STK3: variants seen among roughly 807,000 people sequenced by gnomAD.
STK3 encodes serine/threonine-protein kinase 3.
Under a neutral mutation model 58.0 loss-of-function variants are expected in STK3, and 41 were observed. The observed-to-expected ratio is 0.71, with a 90% confidence interval of 0.55 to 0.92. STK3 has a LOEUF of 0.92. Among genes scored for constraint, STK3 ranks in the 40% least tolerant of loss-of-function variants. STK3 has a pLI of 0.00. For synonymous variants in STK3, 170 were observed against 191.0 expected, an observed-to-expected ratio of 0.89 and a Z score of 0.91; for missense variants, 479 against 602.7, an observed-to-expected ratio of 0.79 and a Z score of 2.15.
chr8:98,375,238 G>C (rs555785070), intron 2 of STK3, among the ~76,000 whole-genome samples: 1 of 137,814 alleles, frequency 7.3e-6, no homozygotes, highest in African/African-American at 2.7e-5. Context: ...CTGAGTGAGA[G>C]AGCAAGAAGC....
intron 6 of STK3, among the ~76,000 whole-genome samples, chr8:98,611,768 T>G (rs907736167): frequency 2.0e-5 from 3 of 152,166 alleles, no homozygotes; most frequent in African/African-American, 7.2e-5. Context: ...AATCTGGTGT[T>G]GTCTAGGCCT....
chr8:98,802,600 A>G (rs1833628299), intron 1 of STK3, among the ~76,000 whole-genome samples: 1 of 152,216 alleles, frequency 6.6e-6, no homozygotes, highest in Non-Finnish European at 1.5e-5. Context: ...TTTAAAGAGT[A>G]AACAATAGGT....
At chr8:98,581,248 G>C (rs1292484985) in intron 7 of STK3, among the ~76,000 whole-genome samples, 1 of 152,172 alleles carries the variant, frequency 6.6e-6, no homozygotes, top group African/African-American at 2.4e-5. Context: ...TCCTGTACTG[G>C]TACTGTGGGA....
intron 3 of STK3, among the ~76,000 whole-genome samples, chr8:98,865,640 A>G (rs944070865): frequency 2.0e-5 from 3 of 152,186 alleles, no homozygotes; most frequent in Non-Finnish European, 2.9e-5. Context: ...ATGAGACACC[A>G]TGTCCAGCCT....
chr8:98,895,351 A>G (rs1291218290), intron 1 of STK3, among the ~76,000 whole-genome samples: 1 of 152,262 alleles, frequency 6.6e-6, no homozygotes, highest in Non-Finnish European at 1.5e-5. Context: ...AAATGTACAC[A>G]ACTCGGCACC....
rs762429515 is a variant in STK3, at chr8:98,767,326, T to G, written c.153A>C (p.Gln51His). ...VFKAIHKESG[Q>H]VVAIKQVPVE... ...CAGGTACTTGTTTAATTGCGACAACTTGACCGGATTCCTTGTGTATTGCTT... is the reference window on the plus strand; with the variant it reads ...CAGGTACTTGTTTAATTGCGACAACGTGACCGGATTCCTTGTGTATTGCTT... Residue 51 changes from glutamine (Q) to histidine (H), a missense_variant, in exon 3 of 11, where the codon CAA (glutamine) becomes CAC (histidine). By Grantham distance (24) the Gln-to-His change is conservative. Around this residue, in one of 3 missense-constraint regions of STK3, gnomAD observed 126 missense variants for 210.1 expected, o/e 0.60. Coordinates refer to ENST00000419617, the MANE Select transcript of STK3 (RefSeq NM_006281.4). 14 of 1,611,228 alleles carry G rather than the reference T, an allele frequency of 8.7e-6. No individual in the cohort carries two copies. The highest frequency in any genetic ancestry group is 1.0e-5 in the Non-Finnish European group (12 of 1,179,412).
Position 98,869,692 on chromosome 8 carries a change from TC to T in STK3, c.110+13954del, listed in dbSNP as rs535606878. Among the ~76,000 whole-genome samples the T allele has an allele frequency of 3.9e-5, 6 of 152,144 alleles. No homozygotes were observed. In the East Asian group the frequency reaches 5.8e-4, roughly 15 times the overall value. On this transcript the variant is annotated intron_variant, in intron 3 of 12. Transcript: ENST00000523601. ...TCAAAGTGAGCACCGTCCTGCCAAA[TC>T]TTTTATTTTATTTTTTTAAAATTTG...
At chr8:98,602,824 C>T (rs1816465832) in intron 6 of STK3, among the ~76,000 whole-genome samples, 1 of 150,294 alleles carries the variant, frequency 6.7e-6, no homozygotes, top group Admixed American at 6.6e-5. Context: ...TCATAACTGA[C>T]TCAAAAGATC....
chr8:98,810,616 T>A (rs1834159692), intron 1 of STK3, among the ~76,000 whole-genome samples: 1 of 152,178 alleles, frequency 6.6e-6, no homozygotes, highest in Non-Finnish European at 1.5e-5. Flanking sequence ...TTATTTGGGT[T>A]ATTTGTTTTG....
At chr8:98,570,308 T>C (rs1233754492) in intron 8 of STK3, among the ~76,000 whole-genome samples, 1 of 151,106 alleles carries the variant, frequency 6.6e-6, no homozygotes, top group Non-Finnish European at 1.5e-5. Context: ...TTGTGTTTTT[T>C]AATTTTTTTT....
chr8:98,670,256 C>A (rs1822725086), intron 6 of STK3, among the ~76,000 whole-genome samples: 1 of 152,018 alleles, frequency 6.6e-6, no homozygotes, highest in African/African-American at 2.4e-5. Context: ...ATAGTACCAG[C>A]TACTCCAGAG....
intron 10 of STK3, 77 bp from the exon 11 acceptor site, chr8:98,456,077 T>C: frequency 1.5e-6 from 2 of 1,337,258 alleles, no homozygotes; most frequent in Non-Finnish European, 2.0e-6. Context: ...AATTAGACTT[T>C]AATGTCTAAT....
At chr8:98,720,891 C>T (rs1234494352) in intron 4 of STK3, among the ~76,000 whole-genome samples, 1 of 151,946 alleles carries the variant, frequency 6.6e-6, no homozygotes, top group African/African-American at 2.4e-5. Flanking sequence ...AAACAGCTAC[C>T]AGTGGTAAAC....
chr8:98,893,899 T>C (rs187047348), intron 1 of STK3, among the ~76,000 whole-genome samples: 5 of 152,364 alleles, frequency 3.3e-5, no homozygotes, highest in African/African-American at 7.2e-5. Flanking sequence ...TTTTTGCTTA[T>C]CACAGCCTTT....
chr8:98,893,462 GAAAGAAAGAAAGAAAGAAAGAAAGAGAA>G (rs1838297823), intron 1 of STK3, among the ~76,000 whole-genome samples: 57 of 89,912 alleles, frequency 6.3e-4, no homozygotes, highest in African/African-American at 2.5e-3. Context: ...AAGAAAGAAA[GAAAGAAAGAAAGAAAGAAAGAAAGAGAA>G]AGAAAGAAAG....
chr8:98,456,042 A>G lies in STK3; in HGVS notation c.1318-42T>C, dbSNP rs765593909. 2.6e-6 allele frequency: 4 copies of G among 1,534,124 alleles called. No homozygotes were observed. The African/African-American group carries it at 5.5e-5, about 21-fold the overall frequency. The stretch of plus-strand genomic sequence containing the variant: ...AGATACCAATACAATGAAATTATCC[A>G]CATTATCCACAATCAATACAATGAA... On this transcript the variant is annotated intron_variant, in intron 10 of 10. Coordinates refer to ENST00000419617, the MANE Select transcript of STK3 (RefSeq NM_006281.4).
chr8:98,485,219 C>A (rs1822157266), intron 10 of STK3, among the ~76,000 whole-genome samples: 1 of 148,544 alleles, frequency 6.7e-6, no homozygotes, highest in East Asian at 2.0e-4. Context: ...CCAGCCTGGG[C>A]AAAATGAGGG....
chr8:98,773,410 T>C (rs1039056872), intron 2 of STK3, among the ~76,000 whole-genome samples: 56 of 151,762 alleles, frequency 3.7e-4, no homozygotes, highest in African/African-American at 1.3e-3. Flanking sequence ...TAAATATTGC[T>C]ACTATTACTT....
chr8:98,392,493 C>G (rs2131014594), upstream of STK3, among the ~76,000 whole-genome samples: 1 of 152,250 alleles, frequency 6.6e-6, no homozygotes, highest in Non-Finnish European at 1.5e-5. Context: ...TTTTTATCTT[C>G]TGTTGAATGT....
Sources: allele counts gnomAD v4.1 joint callset (sites outside exome capture counted in the v4.1 genomes callset), GRCh38; gene constraint gnomAD v4.1.1; regional missense constraint gnomAD v4.1.1; transcripts MANE v1.5; gene names NCBI Gene and HGNC (gene_info 2026-07-23, HGNC 2026-07-21).